Variants in ASTN1 observed in about 807,000 individuals in gnomAD.
ASTN1 encodes astrotactin-1.
Under a neutral mutation model 140.7 loss-of-function variants are expected in ASTN1, and 41 were observed. The observed-to-expected ratio is 0.29, with a 90% CI of 0.23 to 0.38. The LOEUF (loss-of-function observed/expected upper bound fraction) is 0.38, where lower values mean the gene tolerates loss of function less well. ASTN1 is among the 10% of genes least tolerant of loss of function. The probability of loss-of-function intolerance (pLI) is 1.00; values close to 1 mark genes in which losing one functional copy is unlikely to be tolerated. For synonymous variants in ASTN1, 640 were observed against 652.2 expected (o/e 0.98, Z 0.29); for missense variants, 1,479 against 1,678.8 (o/e 0.88, Z 2.08).
intron 9 of ASTN1, among the ~76,000 whole-genome samples, chr1:176,959,884 A>G (rs1411193494): frequency 6.6e-6 from 1 of 152,174 alleles, no homozygotes. Flanking sequence ...CCCCACTCAC[A>G]GGAGTATCAA....
At chr1:177,078,457 C>T (rs1022158387) in intron 1 of ASTN1, among the ~76,000 whole-genome samples, 3 of 152,154 alleles carry the variant, frequency 2.0e-5, no homozygotes, top group Admixed American at 6.5e-5. Context: ...ACTCGGGCAC[C>T]TCACTAGATG....
chr1:177,045,230 C>T (rs1677160655), intron 2 of ASTN1, among the ~76,000 whole-genome samples: 1 of 152,164 alleles, frequency 6.6e-6, no homozygotes, highest in Non-Finnish European at 1.5e-5. Flanking sequence ...AATTCTGTTG[C>T]TCCCCATATC....
At chr1:177,111,531 A>C (rs1287415413) in intron 1 of ASTN1, among the ~76,000 whole-genome samples, 1 of 152,158 alleles carries the variant, frequency 6.6e-6, no homozygotes, top group East Asian at 1.9e-4. Flanking sequence ...ATTTACTTAC[A>C]AACGAAGCCC....
Position 176,862,315 on chromosome 1 carries a change from TATCTCAGCCTCATCACAGGC to T in ASTN1, c.*1949_*1968del. Reference sequence around the variant, plus strand: ...AGGAGAGTGAAACCACCCTGTGCTTTATCTCAGCCTCATCACAGGCTTCCTTCCCAGTCATGAGGGTGGGG... The same window carrying T: ...AGGAGAGTGAAACCACCCTGTGCTTTTTCCTTCCCAGTCATGAGGGTGGGG... On this transcript the variant is annotated 3_prime_UTR_variant, in exon 23 of 23. Coordinates refer to ENST00000361833, the MANE Select transcript of ASTN1 (RefSeq NM_004319.3). The T allele has an allele frequency of 1.0e-6, 1 of 985,432 alleles. No homozygotes were observed. Among genetic ancestry groups the T allele is most frequent in the Non-Finnish European group, 1.2e-6 (1 of 829,966 alleles). 61.0% of individuals were successfully genotyped at this position (985,432 alleles called of 1,614,324 possible). A position where few individuals can be genotyped will look rare whatever the true frequency, so the allele number is the denominator to read the frequency against.
intron 7 of ASTN1, 104 bp downstream of exon 7, chr1:177,023,300 G>T: frequency 7.2e-7 from 1 of 1,393,928 alleles, no homozygotes. Flanking sequence ...GCTCGAGATG[G>T]CAGTGGGACG....
rs558409196 is a variant in ASTN1, at chr1:176,931,471, AAAAT to A, written c.2671+2677_2671+2680del. ...ACAAGAGCAAAACTCTGTCTTTGAA[AAAAT>A]AAATAAATAAACAAATAAATAAATA... is the stretch of plus-strand genomic sequence containing the variant. On this transcript the variant is annotated intron_variant, in intron 16 of 22. Transcript: ENST00000361833. Among the ~76,000 whole-genome samples the A allele has an allele frequency of 5.0e-3, 758 of 152,322 alleles. 4 individuals are homozygous for A. Among genetic ancestry groups the A allele is most frequent in the African/African-American group, 0.017 (722 of 41,556 alleles).
At chr1:177,125,831 A>G (rs994632095) in intron 1 of ASTN1, among the ~76,000 whole-genome samples, 1 of 152,100 alleles carries the variant, frequency 6.6e-6, no homozygotes, top group Non-Finnish European at 1.5e-5. Flanking sequence ...ACCAATTTGT[A>G]TTTTCTGACA....
intron 8 of ASTN1, among the ~76,000 whole-genome samples, chr1:176,999,768 G>T (rs1023996915): frequency 3.3e-5 from 5 of 152,200 alleles, no homozygotes; most frequent in Middle Eastern, 3.4e-3. Context: ...TATTGTTCTC[G>T]GGATAGTGAG....
intron 14 of ASTN1, among the ~76,000 whole-genome samples, chr1:176,940,455 A>T (rs1671668975): frequency 6.6e-6 from 1 of 152,200 alleles, no homozygotes; most frequent in Admixed American, 6.5e-5. Flanking sequence ...AAAGTACAAT[A>T]TGCACCCCTA....
intron 17 of ASTN1, among the ~76,000 whole-genome samples, chr1:176,888,702 C>A (rs1320444765): frequency 1.3e-5 from 2 of 152,278 alleles, no homozygotes; most frequent in East Asian, 3.9e-4. Context: ...TGCAATGCTG[C>A]CTTGGGTTGT....
At chr1:177,048,330 G>C (rs1677350821) in intron 2 of ASTN1, among the ~76,000 whole-genome samples, 1 of 152,124 alleles carries the variant, frequency 6.6e-6, no homozygotes, top group Non-Finnish European at 1.5e-5. Context: ...GGCCCAAAAG[G>C]GGAGTCTGGG....
intron 11 of ASTN1, among the ~76,000 whole-genome samples, chr1:176,950,374 C>G (rs1322631480): frequency 6.6e-6 from 1 of 152,130 alleles, no homozygotes; most frequent in African/African-American, 2.4e-5. Context: ...CTGTGGAGTC[C>G]GTAACTTAGC....
chr1:177,049,235 C>T (rs1399356374), intron 2 of ASTN1, among the ~76,000 whole-genome samples: 1 of 152,156 alleles, frequency 6.6e-6, no homozygotes. Flanking sequence ...CAGGACATAG[C>T]CCACCTATGT....
chr1:177,138,059 C>T (rs1307276335), intron 1 of ASTN1, among the ~76,000 whole-genome samples: 1 of 152,132 alleles, frequency 6.6e-6, no homozygotes, highest in Admixed American at 6.5e-5. Context: ...TCCACCCACC[C>T]CCTTGCCAAT....
chr1:176,862,625 T>G lies in ASTN1; in HGVS notation c.*1659A>C. On this transcript the variant is annotated 3_prime_UTR_variant, in exon 23 of 23. Coordinates refer to ENST00000361833, the MANE Select transcript of ASTN1 (RefSeq NM_004319.3). ...GGAGACCAACAGCCTGAAATCACAC[T>G]GAAACTCAGTGTGAGTTACAGTGCA... is the stretch of plus-strand genomic sequence containing the variant. 1 of 969,546 alleles carries G rather than the reference T, an allele frequency of 1.0e-6. No homozygotes were observed. The highest frequency in any genetic ancestry group is 1.2e-6 in the Non-Finnish European group (1 of 815,568). 60.1% of individuals were successfully genotyped at this position (969,546 alleles called of 1,614,324 possible).
intron 8 of ASTN1, among the ~76,000 whole-genome samples, chr1:176,988,937 G>T (rs1363329721): frequency 2.6e-5 from 4 of 152,138 alleles, no homozygotes; most frequent in African/African-American, 9.7e-5. Flanking sequence ...GGAATATTGG[G>T]CTGCAATTGT....
chr1:177,131,227 C>T (rs1181176424), intron 1 of ASTN1, among the ~76,000 whole-genome samples: 2 of 152,152 alleles, frequency 1.3e-5, no homozygotes, highest in African/African-American at 2.4e-5. Flanking sequence ...CTTTAAAATG[C>T]TCATACCCTT....
rs72720720 is a variant in ASTN1 at position 177,083,945 on chromosome 1, A to G, written c.284-22680T>C. Among the ~76,000 whole-genome samples, 477 of 152,288 alleles carry G rather than the reference A, an allele frequency of 3.1e-3. 4 individuals carry two copies. Among genetic ancestry groups the G allele is most frequent in the Middle Eastern group, 6.8e-3 (2 of 294 alleles). ...TCCTTTTCTGCAGCATATTTATCCTAACTTACTAAGATATTTTTCTTCTTT... is the reference window on the plus strand; with the variant it reads ...TCCTTTTCTGCAGCATATTTATCCTGACTTACTAAGATATTTTTCTTCTTT... On this transcript the variant is annotated intron_variant, in intron 1 of 22. Coordinates refer to ENST00000361833, the MANE Select transcript of ASTN1 (RefSeq NM_004319.3).
chr1:176,957,717 G>A lies in ASTN1; in HGVS notation c.1848C>T (p.Arg616=), dbSNP rs766029338. ...KDNGGCSKNF[R]CISDRKLDST... is the part of the protein sequence containing the mutation. The stretch of plus-strand genomic sequence containing the variant: ...AGTCCAGCTTGCGATCTGAAATACA[G>A]CGGAAATTCTTACTGCAGCCCCCGT... The change falls in exon 11 of 23, where the codon CGC becomes CGT. Residue 616 remains arginine (R), a synonymous_variant. Transcript: ENST00000361833. The A allele has an allele frequency of 6.2e-7, 1 of 1,614,068 alleles. No homozygotes were observed. Among genetic ancestry groups the A allele is most frequent in the South Asian group, 1.1e-5 (1 of 91,080 alleles).
Sources: allele counts gnomAD v4.1 joint callset (sites outside exome capture counted in the v4.1 genomes callset), GRCh38; gene constraint gnomAD v4.1.1; transcripts MANE v1.5; gene names NCBI Gene and HGNC (gene_info 2026-07-23, HGNC 2026-07-21).